NDUFA9: variants seen among roughly 807,000 people sequenced by gnomAD.
NDUFA9 encodes the protein NADH:ubiquinone oxidoreductase subunit A9.
Under a neutral mutation model 45.9 loss-of-function variants are expected in NDUFA9, and 23 were observed. The observed-to-expected ratio is 0.50, with a 90% CI of 0.36 to 0.71. NDUFA9 has a LOEUF of 0.71. Among genes scored for constraint, NDUFA9 ranks in the 30% least tolerant of loss-of-function variants. NDUFA9 has a pLI of 0.00. For missense variants in NDUFA9, 466 were observed against 488.2 expected, an observed-to-expected ratio of 0.95 and a Z score of 0.43; for synonymous variants, 176 against 170.5, an observed-to-expected ratio of 1.03 and a Z score of -0.25.
intron 6 of NDUFA9, among the ~76,000 whole-genome samples, chr12:4,666,347 T>G (rs2137472195): frequency 6.6e-6 from 1 of 152,360 alleles, no homozygotes; most frequent in Admixed American, 6.5e-5. Context: ...GTCTCTTCAC[T>G]CTGTTAATTG....
chr12:4,654,823 A>G lies in NDUFA9; in HGVS notation c.221-2A>G. The G allele has an allele frequency of 5.6e-6, 9 of 1,607,880 alleles. No individual in the cohort carries two copies. Among genetic ancestry groups the G allele is most frequent in the Non-Finnish European group, 7.6e-6 (9 of 1,176,936 alleles). ...TCCTTTTTTCAATCCATTCTCTTTTAGGACGCATGGGGTCACAGGTAATCA... is the reference window on the plus strand; with the variant it reads ...TCCTTTTTTCAATCCATTCTCTTTTGGGACGCATGGGGTCACAGGTAATCA... On this transcript the variant is annotated splice_acceptor_variant, in intron 2 of 10. Transcript: ENST00000266544. LOFTEE classifies it high-confidence loss of function.
At position 4,654,822 on chromosome 12, in the gene NDUFA9, T is replaced by G; in HGVS notation, c.221-3T>G. The stretch of plus-strand genomic sequence containing the variant: ...ATCCTTTTTTCAATCCATTCTCTTT[T>G]AGGACGCATGGGGTCACAGGTAATC... On this transcript the variant is annotated splice_polypyrimidine_tract_variant and splice_region_variant and intron_variant, in intron 2 of 10. Coordinates refer to ENST00000266544, the MANE Select transcript of NDUFA9 (RefSeq NM_005002.5). 5.0e-6 allele frequency: 8 copies of G among 1,607,810 alleles called. No individual in the cohort carries two copies. The highest frequency in any genetic ancestry group is 6.8e-6 in the Non-Finnish European group (8 of 1,176,684).
chr12:4,652,264 C>T (rs528068050), intron 1 of NDUFA9, among the ~76,000 whole-genome samples: 1 of 152,176 alleles, frequency 6.6e-6, no homozygotes, highest in Non-Finnish European at 1.5e-5. Flanking sequence ...CAGTAATTTT[C>T]TACCTCTACC....
chr12:4,652,396 A>G (rs1194225434), intron 1 of NDUFA9, among the ~76,000 whole-genome samples: 2 of 152,122 alleles, frequency 1.3e-5, no homozygotes, highest in Admixed American at 6.5e-5. Context: ...AGGATTGTGT[A>G]TACTCCTCAT....
At chr12:4,674,418 A>G (rs1945906289) in intron 8 of NDUFA9, among the ~76,000 whole-genome samples, 1 of 152,226 alleles carries the variant, frequency 6.6e-6, no homozygotes, top group Non-Finnish European at 1.5e-5. Flanking sequence ...AGTTTGCTGT[A>G]TTCAGGAGAC....
In NDUFA9 at chr12:4,665,403, G is replaced by A. The variant is rs559782248; in HGVS notation, c.655+2768G>A. Among the ~76,000 whole-genome samples, 88 of 152,290 alleles carry A rather than the reference G, an allele frequency of 5.8e-4. 1 individual carries two copies. Among genetic ancestry groups the A allele is most frequent in the African/African-American group, 1.8e-3 (75 of 41,546 alleles). On this transcript the variant is annotated intron_variant, in intron 6 of 10. Transcript: ENST00000266544. Reference sequence around the variant, plus strand: ...TCAAGGTGCATTCCTGTTGTACCACGTGATGTGATTTCCTTCCTACTGAAG... The same window carrying A: ...TCAAGGTGCATTCCTGTTGTACCACATGATGTGATTTCCTTCCTACTGAAG...
intron 7 of NDUFA9, 109 bp from the exon 8 acceptor site, chr12:4,669,632 C>G: frequency 3.2e-6 from 2 of 616,538 alleles, no homozygotes; most frequent in Non-Finnish European, 2.8e-6. Context: ...CTCCTTTCTC[C>G]TTCCTTCCTT....
chr12:4,677,700 G>T (rs1383199240), intron 8 of NDUFA9, among the ~76,000 whole-genome samples: 2 of 151,208 alleles, frequency 1.3e-5, no homozygotes, highest in East Asian at 3.9e-4. Flanking sequence ...GTTGGTGGAA[G>T]TGTAAACCAT....
intron 6 of NDUFA9, 129 bp downstream of exon 6, chr12:4,662,764 C>T: frequency 1.6e-6 from 1 of 633,428 alleles, no homozygotes; most frequent in Non-Finnish European, 2.7e-6. Context: ...CCTTTTCCTC[C>T]CCTAAGTTTA....
At chr12:4,655,053 C>A in intron 3 of NDUFA9, 131 bp downstream of exon 3, 1 of 674,432 alleles carries the variant, frequency 1.5e-6, no homozygotes. Context: ...GTTCCCAGGT[C>A]ATTCTTTCAG....
In NDUFA9 at chr12:4,691,944, C is replaced by G. The variant is rs1254592687; in HGVS notation, c.*4836C>G. 6.6e-6 allele frequency: 1 copy of G among 152,106 alleles called. No individual in the cohort carries two copies. Among genetic ancestry groups the G allele is most frequent in the Non-Finnish European group, 1.5e-5 (1 of 68,020 alleles). The allele number at this position is 152,106 out of a possible 1,614,324, so 9.4% of individuals were successfully genotyped here. A position where few individuals can be genotyped will look rare whatever the true frequency, so the allele number is the denominator to read the frequency against. ...GGTGCCCACCAAAGTTAGGCACATC[C>G]CACAGCAAGTGGGAGAAAGGAGTGC... On this transcript the variant is annotated 3_prime_UTR_variant, in exon 11 of 11. Transcript: ENST00000266544.
intron 10 of NDUFA9, among the ~76,000 whole-genome samples, chr12:4,685,789 A>C (rs1393614323): frequency 6.6e-6 from 1 of 152,144 alleles, no homozygotes; most frequent in Non-Finnish European, 1.5e-5. Context: ...CACAATCTCC[A>C]GTCTCCTTGC....
At chr12:4,663,257 C>G (rs1465198308) in intron 6 of NDUFA9, among the ~76,000 whole-genome samples, 1 of 151,684 alleles carries the variant, frequency 6.6e-6, no homozygotes, top group Non-Finnish European at 1.5e-5. Flanking sequence ...TTGTTTTTCC[C>G]CCTGTTGCTT....
At chr12:4,669,950 A>C in intron 8 of NDUFA9, 133 bp downstream of exon 8, 1 of 679,500 alleles carries the variant, frequency 1.5e-6, no homozygotes, top group Non-Finnish European at 2.6e-6. Context: ...ATTAAATCAG[A>C]ATTTGAGGGA....
intron 6 of NDUFA9, among the ~76,000 whole-genome samples, chr12:4,666,678 C>A (rs183028438): frequency 8.6e-4 from 131 of 152,200 alleles, no homozygotes; most frequent in African/African-American, 3.0e-3. Flanking sequence ...ATCATTTGAC[C>A]ATATATGCAA....
At chr12:4,665,162 A>T (rs1285802666) in intron 6 of NDUFA9, among the ~76,000 whole-genome samples, 2 of 152,208 alleles carry the variant, frequency 1.3e-5, no homozygotes, top group Non-Finnish European at 2.9e-5. Flanking sequence ...TAGTATTAAG[A>T]TATTTACATT....
At chr12:4,662,760 C>A in intron 6 of NDUFA9, 125 bp downstream of exon 6, 1 of 663,452 alleles carries the variant, frequency 1.5e-6, no homozygotes, top group Non-Finnish European at 2.6e-6. Flanking sequence ...GTTGCCTTTT[C>A]CTCCCCTAAG....
At chr12:4,660,875 T>C (rs1043953472) in intron 5 of NDUFA9, among the ~76,000 whole-genome samples, 1 of 151,972 alleles carries the variant, frequency 6.6e-6, no homozygotes, top group Non-Finnish European at 1.5e-5. Context: ...TGCGGGTGCG[T>C]GAAGAGTGAG....
In NDUFA9 at chr12:4,651,991, C is replaced by T. The variant is rs563307848; in HGVS notation, c.50-2301C>T. On this transcript the variant is annotated intron_variant, in intron 1 of 10. Coordinates refer to ENST00000266544, the MANE Select transcript of NDUFA9 (RefSeq NM_005002.5). Reference sequence around the variant, plus strand: ...TTTCTAGGAAATTTGGTTTCCTTGTCTCCATAATCATTACTTAACATAGCG... The same window carrying T: ...TTTCTAGGAAATTTGGTTTCCTTGTTTCCATAATCATTACTTAACATAGCG... Among the ~76,000 whole-genome samples, 12 of 152,242 alleles carry T rather than the reference C, an allele frequency of 7.9e-5. No individual in the cohort carries two copies. The South Asian group carries it at 2.5e-3, about 32-fold the overall frequency.
Sources: allele counts gnomAD v4.1 joint callset (sites outside exome capture counted in the v4.1 genomes callset), GRCh38; gene constraint gnomAD v4.1.1; transcripts MANE v1.5; gene names NCBI Gene and HGNC (gene_info 2026-07-23, HGNC 2026-07-21).